The following DOCK10 variants were observed in gnomAD, a reference collection of about 807,000 sequenced individuals.
DOCK10 encodes the protein dedicator of cytokinesis protein 10.
A neutral mutation model predicts 280.1 loss-of-function variants in DOCK10; 145 were observed. That is an observed-to-expected ratio of 0.52 (90% CI 0.45 to 0.59). The LOEUF (loss-of-function observed/expected upper bound fraction) is 0.59, where lower values mean the gene tolerates loss of function less well. Ranked by LOEUF, DOCK10 falls within the 20% of genes least tolerant of loss-of-function variation. The pLI is 0.00. For synonymous variants in DOCK10, 915 were observed against 942.2 expected, an observed-to-expected ratio of 0.97 and a Z score of 0.53; for missense variants, 2,368 against 2,651.7, an observed-to-expected ratio of 0.89 and a Z score of 2.35.
chr2:225,008,123 G>A (rs551244050), intron 1 of DOCK10, among the ~76,000 whole-genome samples: 56 of 152,288 alleles, frequency 3.7e-4, no homozygotes, highest in African/African-American at 1.3e-3. Flanking sequence ...AGAAGTAAAA[G>A]CTGTACCAAA....
In DOCK10 at chr2:224,830,536, C is replaced by T; in HGVS notation, c.3036+5G>A. ...ATTATAATATTATATTACTTATGTT[C>T]TTACCTGGATTTTATTTGTGTCAAT... On this transcript the variant is annotated splice_donor_5th_base_variant and intron_variant, in intron 27 of 55. Transcript: ENST00000258390. 1 of 1,414,756 alleles carries T rather than the reference C, an allele frequency of 7.1e-7. No individual in the cohort carries two copies. The highest frequency in any genetic ancestry group is 9.5e-7 in the Non-Finnish European group (1 of 1,054,268). The allele number at this position is 1,414,756 out of a possible 1,614,324, so 87.6% of individuals were successfully genotyped here.
chr2:224,918,953 GGT>G (rs766521340), intron 2 of DOCK10, among the ~76,000 whole-genome samples: 101 of 144,712 alleles, frequency 7.0e-4, no homozygotes, highest in Non-Finnish European at 8.5e-4. Flanking sequence ...GAATGTGTGT[GGT>G]GTGTGTGTGT....
chr2:224,921,112 A>AAAATATATATATAT, intron 2 of DOCK10, among the ~76,000 whole-genome samples: 2 of 54,432 alleles, frequency 3.7e-5, no homozygotes, highest in African/African-American at 3.1e-4. Flanking sequence ...AAAAAAAAAA[A>AAAATATATATATAT]ATATATATAT....
At chr2:224,899,881 C>A (rs1304762888) in intron 3 of DOCK10, among the ~76,000 whole-genome samples, 2 of 152,174 alleles carry the variant, frequency 1.3e-5, no homozygotes, top group Admixed American at 1.3e-4. Context: ...GAGGGTACAG[C>A]CTTGGGAACT....
intron 3 of DOCK10, among the ~76,000 whole-genome samples, chr2:224,907,150 G>C (rs114796805): frequency 6.6e-6 from 1 of 152,210 alleles, no homozygotes; most frequent in South Asian, 2.1e-4. Flanking sequence ...CAAGAGAAAG[G>C]CTAATCTGAT....
At chr2:224,790,524 T>A (rs1467291440) in intron 47 of DOCK10, among the ~76,000 whole-genome samples, 1 of 152,206 alleles carries the variant, frequency 6.6e-6, no homozygotes, top group Non-Finnish European at 1.5e-5. Context: ...AATAATCAGC[T>A]CATTGGTTAT....
chr2:224,785,984 C>G (rs1467022221), intron 50 of DOCK10, among the ~76,000 whole-genome samples: 1 of 152,088 alleles, frequency 6.6e-6, no homozygotes, highest in African/African-American at 2.4e-5. Flanking sequence ...ATCATGAGGT[C>G]AGGAGTTCAA....
At chr2:224,984,868 GT>G (rs1705924657) in intron 1 of DOCK10, among the ~76,000 whole-genome samples, 1 of 137,374 alleles carries the variant, frequency 7.3e-6, no homozygotes, top group Non-Finnish European at 1.5e-5. Flanking sequence ...TTGAGGTTGA[GT>G]TTCGCTCTAT....
intron 29 of DOCK10, among the ~76,000 whole-genome samples, chr2:224,819,166 CTGGA>C (rs1295714775): frequency 6.6e-6 from 1 of 152,208 alleles, no homozygotes; most frequent in Non-Finnish European, 1.5e-5. Context: ...CTAGGGCAAA[CTGGA>C]CTGTAGGAAT....
chr2:224,824,366 G>A (rs889812721), intron 27 of DOCK10, among the ~76,000 whole-genome samples: 2 of 145,482 alleles, frequency 1.4e-5, no homozygotes, highest in African/African-American at 5.1e-5. Flanking sequence ...CATCCCTCCT[G>A]TTTGGACTCC....
chr2:225,025,572 A>G (rs939339502), intron 1 of DOCK10, among the ~76,000 whole-genome samples: 16 of 152,218 alleles, frequency 1.1e-4, no homozygotes, highest in Non-Finnish European at 1.8e-4. Context: ...ATGGGCCTAG[A>G]ATGCAATTTT....
intron 1 of DOCK10, among the ~76,000 whole-genome samples, chr2:224,942,287 T>G (rs1292270785): frequency 6.6e-6 from 1 of 152,234 alleles, no homozygotes; most frequent in African/African-American, 2.4e-5. Context: ...CTCTGATCTG[T>G]GTTCACCTGG....
intron 30 of DOCK10, among the ~76,000 whole-genome samples, chr2:224,815,801 C>T (rs958804577): frequency 1.3e-5 from 2 of 152,016 alleles, no homozygotes; most frequent in African/African-American, 4.8e-5. Context: ...TTTCAGAGGC[C>T]GACGTAGGCG....
intron 3 of DOCK10, among the ~76,000 whole-genome samples, chr2:224,905,656 G>A (rs1310965162): frequency 6.6e-6 from 1 of 152,146 alleles, no homozygotes. Flanking sequence ...CAAGTAAAGG[G>A]ACACCAATAC....
At chr2:224,881,138 G>A (rs1348785604) in intron 7 of DOCK10, among the ~76,000 whole-genome samples, 2 of 152,076 alleles carry the variant, frequency 1.3e-5, no homozygotes, top group East Asian at 1.9e-4. Flanking sequence ...GTATATAATA[G>A]GTGTGTAATA....
intron 1 of DOCK10, among the ~76,000 whole-genome samples, chr2:224,965,165 T>C (rs1306316205): frequency 2.6e-5 from 4 of 152,226 alleles, no homozygotes; most frequent in African/African-American, 9.6e-5. Flanking sequence ...AAAAACATAA[T>C]CATTCAGCCT....
intron 1 of DOCK10, among the ~76,000 whole-genome samples, chr2:225,005,327 T>C (rs1208578059): frequency 6.6e-6 from 1 of 152,230 alleles, no homozygotes; most frequent in East Asian, 1.9e-4. Flanking sequence ...TGTAAGGACA[T>C]GATTTCAATC....
At chr2:224,793,145 C>T in intron 46 of DOCK10, 73 bp from the exon 47 acceptor site, 2 of 1,158,488 alleles carry the variant, frequency 1.7e-6, no homozygotes, top group Non-Finnish European at 2.5e-6. Flanking sequence ...GACTACAAAT[C>T]GTTAGCCAAT....
intron 1 of DOCK10, among the ~76,000 whole-genome samples, chr2:225,004,687 TTAA>T (rs1436648074): frequency 1.3e-5 from 2 of 152,212 alleles, no homozygotes; most frequent in East Asian, 3.8e-4. Context: ...ACATGTCGGC[TTAA>T]TAATTCAGAG....
Sources: gnomAD v4.1 joint callset for allele counts (sites outside exome capture counted in the v4.1 genomes callset) on GRCh38, gnomAD v4.1.1 for gene constraint, MANE v1.5 for transcripts, NCBI Gene and HGNC (gene_info 2026-07-23, HGNC 2026-07-21) for gene names.